TNIK: variants seen among roughly 807,000 people sequenced by gnomAD.
TNIK encodes the protein TRAF2 and NCK-interacting protein kinase.
In TNIK, 49 loss-of-function variants were observed where a neutral mutation model predicts 191.3. The observed-to-expected ratio is 0.26, with a 90% CI of 0.20 to 0.32. The LOEUF is 0.32. Ranked by LOEUF, TNIK falls within the 10% of genes least tolerant of loss-of-function variation. The probability of loss-of-function intolerance (pLI) is 1.00; values close to 1 mark genes in which losing one functional copy is unlikely to be tolerated. For missense variants in TNIK, 1,155 were observed against 1,702.3 expected, an observed-to-expected ratio of 0.68 and a Z score of 5.66; for synonymous variants, 594 against 600.9, an observed-to-expected ratio of 0.99 and a Z score of 0.17.
intron 6 of TNIK, among the ~76,000 whole-genome samples, chr3:171,189,119 T>A (rs1445618156): frequency 6.6e-6 from 1 of 152,212 alleles, no homozygotes; most frequent in Non-Finnish European, 1.5e-5. Context: ...TATTCTACTT[T>A]CCATCTCTAT....
intron 2 of TNIK, among the ~76,000 whole-genome samples, chr3:171,288,306 CTT>C (rs1431803879): frequency 6.8e-6 from 1 of 146,858 alleles, no homozygotes; most frequent in Non-Finnish European, 1.5e-5. Context: ...TACCCTAAAA[CTT>C]AAAGTATAAT....
intron 4 of TNIK, among the ~76,000 whole-genome samples, chr3:171,202,447 G>T (rs974933458): frequency 2.6e-5 from 4 of 152,046 alleles, no homozygotes; most frequent in African/African-American, 9.7e-5. Flanking sequence ...GATTGCTGAA[G>T]ATTTTGAGAA....
At chr3:171,389,095 C>T (rs540803920) in intron 1 of TNIK, among the ~76,000 whole-genome samples, 2 of 152,176 alleles carry the variant, frequency 1.3e-5, no homozygotes, top group African/African-American at 4.8e-5. Flanking sequence ...AGAAGAGAAA[C>T]CTGAGGCCCC....
chr3:171,059,456 T>C lies in TNIK; in HGVS notation c.*4425A>G, dbSNP rs1386917896. ...GTTTAATGCTAAGCAAACTGTTGAA[T>C]ATTCTAGTTATCAATGGAAGAATTC... is the stretch of plus-strand genomic sequence containing the variant. On this transcript the variant is annotated 3_prime_UTR_variant, in exon 33 of 33. Transcript: ENST00000436636. Among the ~76,000 whole-genome samples, 1 of 152,200 alleles carries C rather than the reference T, an allele frequency of 6.6e-6. No individual in the cohort carries two copies. The highest frequency in any genetic ancestry group is 1.9e-4 in the East Asian group (1 of 5,194).
At chr3:171,195,273 C>T (rs780103025) in intron 4 of TNIK, among the ~76,000 whole-genome samples, 20 of 152,150 alleles carry the variant, frequency 1.3e-4, no homozygotes, top group African/African-American at 1.9e-4. Flanking sequence ...AAATAAACAT[C>T]ACCCTTACTC....
intron 3 of TNIK, among the ~76,000 whole-genome samples, chr3:171,212,228 G>A (rs59291748): frequency 0.037 from 5,694 of 152,016 alleles, 360 homozygotes; most frequent in African/African-American, 0.13. Context: ...CTGCATTACT[G>A]GGACTTCCTG....
At chr3:171,325,154 G>A (rs1755612070) in intron 2 of TNIK, among the ~76,000 whole-genome samples, 3 of 152,038 alleles carry the variant, frequency 2.0e-5, no homozygotes, top group African/African-American at 7.2e-5. Context: ...AGATTGGCTG[G>A]TGCTGTTTCT....
At chr3:171,215,522 C>T (rs1373829838) in intron 3 of TNIK, among the ~76,000 whole-genome samples, 1 of 152,096 alleles carries the variant, frequency 6.6e-6, no homozygotes, top group African/African-American at 2.4e-5. Flanking sequence ...TCTCTGACTC[C>T]AAAGCCAGTA....
chr3:171,127,099 G>A (rs544571470), intron 16 of TNIK, among the ~76,000 whole-genome samples: 190 of 152,108 alleles, frequency 1.2e-3, no homozygotes, highest in Non-Finnish European at 2.1e-3. Flanking sequence ...CTGGCATGGG[G>A]AAGGTGTCCC....
At chr3:171,450,945 T>C (rs1280266367) in intron 1 of TNIK, among the ~76,000 whole-genome samples, 1 of 152,246 alleles carries the variant, frequency 6.6e-6, no homozygotes, top group Non-Finnish European at 1.5e-5. Context: ...TAGTCACGAC[T>C]GCCTTAAAGA....
Position 171,126,010 on chromosome 3 carries a change from T to A in TNIK, c.1915A>T (p.Asn639Tyr). ...GGATTTTCCGAGGTGGGATCTGAGT[T>A]CTGGCGTGGCATCTCCACGCGGTGG... ...TSHRVEMPRQ[N>Y]SDPTSENPPL... The change falls in exon 17 of 33, where the codon AAC (asparagine) becomes TAC (tyrosine). Residue 639 changes from asparagine (N) to tyrosine (Y), a missense_variant. Asn to Tyr is a moderately radical substitution (Grantham distance 143). This residue lies in a region of TNIK where 735 missense variants were observed against 848.0 expected (regional missense o/e 0.87). Coordinates refer to ENST00000436636, the MANE Select transcript of TNIK (RefSeq NM_015028.4). 6.2e-7 allele frequency: 1 copy of A among 1,613,948 alleles called. No individual in the cohort carries two copies.
At position 171,385,325 on chromosome 3, in the gene TNIK, G is replaced by A. The variant is rs548015076; in HGVS notation, c.58-15640C>T. ...GGGGCCCTCTCAGCCTAGGGGTTAA[G>A]AGAGAAATCAGAAGGGAGTCTCACG... On this transcript the variant is annotated intron_variant, in intron 1 of 32. Transcript: ENST00000436636. Among the ~76,000 whole-genome samples the A allele has an allele frequency of 2.6e-5, 4 of 152,258 alleles. No individual in the cohort carries two copies. In the South Asian group the frequency reaches 8.3e-4, roughly 32 times the overall value.
At chr3:171,305,828 C>G (rs1335593170) in intron 2 of TNIK, among the ~76,000 whole-genome samples, 1 of 152,162 alleles carries the variant, frequency 6.6e-6, no homozygotes, top group Non-Finnish European at 1.5e-5. Flanking sequence ...GAACCTAAAA[C>G]AGAACTACCA....
intron 12 of TNIK, among the ~76,000 whole-genome samples, chr3:171,148,515 T>C (rs1731949781): frequency 6.6e-6 from 1 of 152,162 alleles, no homozygotes; most frequent in African/African-American, 2.4e-5. Flanking sequence ...CAAATGCAGA[T>C]GAAACCCCCA....
At chr3:171,134,891 G>A (rs1192042435) in intron 15 of TNIK, among the ~76,000 whole-genome samples, 1 of 152,124 alleles carries the variant, frequency 6.6e-6, no homozygotes, top group African/African-American at 2.4e-5. Flanking sequence ...GAAGTAGATG[G>A]AAAAGTAAGC....
chr3:171,388,872 G>A (rs1397918378), intron 1 of TNIK, among the ~76,000 whole-genome samples: 1 of 152,036 alleles, frequency 6.6e-6, no homozygotes, highest in Non-Finnish European at 1.5e-5. Flanking sequence ...TAGACTGCAA[G>A]CTACTTGAAG....
chr3:171,059,783 G>A lies in TNIK; in HGVS notation c.*4098C>T, dbSNP rs767607077. 2.0e-5 allele frequency among the ~76,000 whole-genome samples: 3 copies of A among 152,072 alleles called. No individual in the cohort carries two copies. The highest frequency in any genetic ancestry group is 2.9e-5 in the Non-Finnish European group (2 of 68,000). On this transcript the variant is annotated 3_prime_UTR_variant, in exon 33 of 33. Coordinates refer to ENST00000436636, the MANE Select transcript of TNIK (RefSeq NM_015028.4). ...TTACAACTATGTAGTCTCAGGGGAGGTCAGTTTTTGGTTGGTTGGTTATGT... is the reference window on the plus strand; with the variant it reads ...TTACAACTATGTAGTCTCAGGGGAGATCAGTTTTTGGTTGGTTGGTTATGT...
chr3:171,106,520 C>G, intron 21 of TNIK: 1 of 307,118 alleles, frequency 3.3e-6, no homozygotes, highest in Non-Finnish European at 7.0e-6. Flanking sequence ...TTTGCAAGGC[C>G]TGGATCTTAA....
chr3:171,162,072 T>C (rs1003617834), intron 10 of TNIK, among the ~76,000 whole-genome samples: 9 of 152,210 alleles, frequency 5.9e-5, no homozygotes, highest in African/African-American at 1.9e-4. Context: ...TTGCAAACTG[T>C]CTTTAGACTA....
Sources: allele counts gnomAD v4.1 joint callset (sites outside exome capture counted in the v4.1 genomes callset), GRCh38; gene constraint gnomAD v4.1.1; regional missense constraint gnomAD v4.1.1; transcripts MANE v1.5; gene names NCBI Gene and HGNC (gene_info 2026-07-23, HGNC 2026-07-21).